Variants in ZNF367 observed in about 807,000 individuals in gnomAD.
The protein encoded by ZNF367 is C2H2 zinc finger protein ZFF29.
A neutral mutation model predicts 31.8 loss-of-function variants in ZNF367; 11 were observed. That is an observed-to-expected ratio of 0.35 (90% CI 0.22 to 0.57). ZNF367 has a LOEUF of 0.57. ZNF367 is among the 20% of genes least tolerant of loss of function. The pLI, the probability that ZNF367 is intolerant of heterozygous loss-of-function variation, is 0.85. For missense variants in ZNF367, 353 were observed against 484.1 expected (o/e 0.73, Z 2.54); for synonymous variants, 199 against 202.4 (o/e 0.98, Z 0.14).
In ZNF367 at chr9:96,417,699, G is replaced by T. The variant is rs918376480; in HGVS notation, c.334C>A (p.Pro112Thr). The T allele has an allele frequency of 1.3e-3, 1,465 of 1,165,926 alleles. 1 individual carries two copies. Among genetic ancestry groups the T allele is most frequent in the Non-Finnish European group, 1.5e-3 (1,367 of 935,504 alleles). 72.2% of individuals were successfully genotyped at this position (1,165,926 alleles called of 1,614,324 possible). A position where few individuals can be genotyped will look rare whatever the true frequency, so the allele number is the denominator to read the frequency against. Residue 112 changes from proline to threonine, a missense_variant, in exon 1 of 5, where the codon CCC becomes ACC. Transcript: ENST00000375256. This position sits in a 1 kb window ranked among gnomAD's most constrained non-coding sequence, Gnocchi z 5.0. ...EHSGLRGRGA[P>T]PPAASASAAA... ...GCGGAGGCCGAGGCGGCGGGCGGGGGCGCGCCCCGGCCACGAAGCCCCGAG... is the reference window on the plus strand; with the variant it reads ...GCGGAGGCCGAGGCGGCGGGCGGGGTCGCGCCCCGGCCACGAAGCCCCGAG...
chr9:96,411,243 A>G (rs13287429), intron 1 of ZNF367, among the ~76,000 whole-genome samples: 3,850 of 152,258 alleles, frequency 0.025, 72 homozygotes, highest in Middle Eastern at 0.055. Flanking sequence ...TCCCTTTCCT[A>G]GTATTTTTAC....
Position 96,411,180 on chromosome 9 carries a change from A to AAAAC in ZNF367, c.420+6429_420+6432dup, listed in dbSNP as rs375400913. Among the ~76,000 whole-genome samples the AAAAC allele has an allele frequency of 2.4e-3, 367 of 151,492 alleles. 2 individuals are homozygous for AAAAC. The highest frequency in any genetic ancestry group is 8.4e-3 in the African/African-American group (347 of 41,096). ...GCCTGGGCGACAGAGACCTTGTCTC[A>AAAAC]AAACAAACAAACAAAAAAACCTTAG... On this transcript the variant is annotated intron_variant, in intron 1 of 4. Transcript: ENST00000375256.
intron 1 of ZNF367, among the ~76,000 whole-genome samples, chr9:96,408,869 T>C (rs1488930915): frequency 1.3e-5 from 2 of 152,244 alleles, no homozygotes; most frequent in East Asian, 3.8e-4. Context: ...GCCATATGAC[T>C]TGCTTTGGCC....
Position 96,412,239 on chromosome 9 carries a change from A to C in ZNF367, c.420+5374T>G, listed in dbSNP as rs112164566. 2.4e-3 allele frequency among the ~76,000 whole-genome samples: 372 copies of C among 152,346 alleles called. 1 individual carries two copies. Among genetic ancestry groups the C allele is most frequent in the African/African-American group, 8.5e-3 (352 of 41,574 alleles). On this transcript the variant is annotated intron_variant, in intron 1 of 4. Transcript: ENST00000375256. Reference sequence around the variant, plus strand: ...TGGAGGCTAAGGACAGATCTTGTCAAGACTGTTGACGATTCGCAACACAAA... The same window carrying C: ...TGGAGGCTAAGGACAGATCTTGTCACGACTGTTGACGATTCGCAACACAAA...
At chr9:96,398,445 A>G (rs1294967830) in intron 1 of ZNF367, 131 bp from the exon 2 acceptor site, 2 of 691,180 alleles carry the variant, frequency 2.9e-6, no homozygotes, top group Admixed American at 3.0e-5. Flanking sequence ...AGTCCCAGCT[A>G]TTTAGGAGGC....
chr9:96,411,612 A>G (rs1831750374), intron 1 of ZNF367, among the ~76,000 whole-genome samples: 1 of 152,154 alleles, frequency 6.6e-6, no homozygotes, highest in Non-Finnish European at 1.5e-5. Context: ...CATATTGCTG[A>G]CTTTTGCAAT....
At chr9:96,400,259 C>A (rs1358243989) in intron 1 of ZNF367, among the ~76,000 whole-genome samples, 1 of 151,550 alleles carries the variant, frequency 6.6e-6, no homozygotes, top group Non-Finnish European at 1.5e-5. Context: ...ATTAGCCAGG[C>A]ATGGTGGCAC....
chr9:96,398,209 A>G lies in ZNF367; in HGVS notation c.526T>C (p.Phe176Leu). The part of the protein sequence containing the change: ...RIRCNICNRV[F>L]PREKSLQAHK... The stretch of plus-strand genomic sequence containing the variant: ...GCCTGGAGCGATTTCTCCCGTGGAA[A>G]CACCCTATTACAGATGTTACAACGG... The change falls in exon 2 of 5, where the codon TTT (phenylalanine) becomes CTT (leucine). Residue 176 changes from phenylalanine (F) to leucine (L), a missense_variant. Around this residue, in one of 5 missense-constraint regions of ZNF367, gnomAD observed 57 missense variants for 141.9 expected, o/e 0.40. Coordinates refer to ENST00000375256, the MANE Select transcript of ZNF367 (RefSeq NM_153695.4). 6.2e-7 allele frequency: 1 copy of G among 1,611,666 alleles called. No homozygotes were observed. The highest frequency in any genetic ancestry group is 8.5e-7 in the Non-Finnish European group (1 of 1,178,832).
Position 96,417,676 on chromosome 9 carries a change from G to A in ZNF367, c.357C>T (p.Ser119=). The A allele has an allele frequency of 7.4e-6, 8 of 1,085,192 alleles. No homozygotes were observed. Among genetic ancestry groups the A allele is most frequent in the Non-Finnish European group, 9.3e-6 (8 of 862,500 alleles). 67.2% of individuals were successfully genotyped at this position (1,085,192 alleles called of 1,614,324 possible). The change falls in exon 1 of 5, where the codon TCC becomes TCT. Residue 119 remains serine (S), a synonymous_variant. Transcript: ENST00000375256. The surrounding 1 kb of genome is among the most constrained non-coding windows in gnomAD (Gnocchi z 5.0). Reference sequence around the variant, plus strand: ...CGTCCTCACCTCCCGAGGCGGCGGCGGAGGCCGAGGCGGCGGGCGGGGGCG... The same window carrying A: ...CGTCCTCACCTCCCGAGGCGGCGGCAGAGGCCGAGGCGGCGGGCGGGGGCG... ...RGAPPPAASA[S]AAASGGEDEE...
At chr9:96,410,107 C>CA (rs973044633) in intron 1 of ZNF367, among the ~76,000 whole-genome samples, 107 of 151,448 alleles carry the variant, frequency 7.1e-4, no homozygotes, top group African/African-American at 2.5e-3. Context: ...ACTAAAAATG[C>CA]AAAAAATTAG....
chr9:96,392,271 T>C, intron 4 of ZNF367, 127 bp downstream of exon 4: 1 of 1,418,082 alleles, frequency 7.1e-7, no homozygotes, highest in African/African-American at 1.4e-5. Context: ...TCAGGGGTCA[T>C]TTCTAATTAT....
chr9:96,407,285 T>C, intron 1 of ZNF367: 1 of 1,510,406 alleles, frequency 6.6e-7, no homozygotes, highest in East Asian at 2.3e-5. Flanking sequence ...GCCGTCACCA[T>C]GCCACAGAAC....
rs1831853206 is a variant in ZNF367, at chr9:96,417,757, C to G, written c.276G>C (p.Ser92=). Residue 92 remains serine (S), a synonymous_variant, in exon 1 of 5, where the codon TCG becomes TCC. Coordinates refer to ENST00000375256, the MANE Select transcript of ZNF367 (RefSeq NM_153695.4). This position sits in a 1 kb window ranked among gnomAD's most constrained non-coding sequence, Gnocchi z 5.0. ...CGGCTGCGGCTGCAGGCAGGGCGGC[C>G]GAGGCGGCGGCCCCCGCGGCCCCAG... ...LSPGAAGAAA[S]AALPAAAAAE... is the part of the protein sequence containing the mutation. 5 of 1,235,716 alleles carry G rather than the reference C, an allele frequency of 4.0e-6. No individual in the cohort carries two copies. The highest frequency in any genetic ancestry group is 1.6e-5 in the African/African-American group (1 of 64,240). The allele number at this position is 1,235,716 out of a possible 1,614,324, so 76.5% of individuals were successfully genotyped here. A position where few individuals can be genotyped will look rare whatever the true frequency, so the allele number is the denominator to read the frequency against.
At chr9:96,415,772 T>C (rs1831819319) in intron 1 of ZNF367, among the ~76,000 whole-genome samples, 1 of 152,090 alleles carries the variant, frequency 6.6e-6, no homozygotes, top group Non-Finnish European at 1.5e-5. Context: ...GTGCTGGGAT[T>C]ACAGGCGTGA....
chr9:96,397,474 A>G (rs1452522103), intron 2 of ZNF367, among the ~76,000 whole-genome samples: 2 of 152,238 alleles, frequency 1.3e-5, no homozygotes, highest in Non-Finnish European at 1.5e-5. Flanking sequence ...GACTCTAAAC[A>G]TTCTATTAAA....
At chr9:96,411,569 T>TA (rs1564144939) in intron 1 of ZNF367, among the ~76,000 whole-genome samples, 1 of 151,868 alleles carries the variant, frequency 6.6e-6, no homozygotes. Flanking sequence ...CTGAAAAACA[T>TA]AAAAAATAAG....
At chr9:96,394,404 A>C (rs531978501) in intron 3 of ZNF367, among the ~76,000 whole-genome samples, 7 of 152,332 alleles carry the variant, frequency 4.6e-5, no homozygotes, top group African/African-American at 1.7e-4. Flanking sequence ...GAAAGAATGA[A>C]TAAGACCTAG....
In ZNF367 at chr9:96,417,783, G is replaced by A; in HGVS notation, c.250C>T (p.Pro84Ser). The change falls in exon 1 of 5, where the codon CCT (proline) becomes TCT (serine). Residue 84 changes from proline (P) to serine (S), a missense_variant. Physicochemically the swap from Pro to Ser is moderately conservative, Grantham distance 74 (BLOSUM62 -1). Around this residue, in one of 5 missense-constraint regions of ZNF367, gnomAD observed 31 missense variants for 58.4 expected, o/e 0.53. Transcript: ENST00000375256. The surrounding 1 kb of genome is among the most constrained non-coding windows in gnomAD (Gnocchi z 5.0). ...GAGGCGGCGGCCCCCGCGGCCCCAGGGCTGAGCGTCACGTTGTGTGCGTTC... is the reference window on the plus strand; with the variant it reads ...GAGGCGGCGGCCCCCGCGGCCCCAGAGCTGAGCGTCACGTTGTGTGCGTTC... ...GENAHNVTLS[P>S]GAAGAAASAA... The A allele has an allele frequency of 7.6e-7, 1 of 1,310,742 alleles. No homozygotes were observed. Among genetic ancestry groups the A allele is most frequent in the Non-Finnish European group, 9.7e-7 (1 of 1,026,980 alleles). The allele number at this position is 1,310,742 out of a possible 1,614,324, so 81.2% of individuals were successfully genotyped here. A position where few individuals can be genotyped will look rare whatever the true frequency, so the allele number is the denominator to read the frequency against.
Position 96,417,989 on chromosome 9 carries a change from G to GGCA in ZNF367, c.43_44insTGC (p.Pro14_Pro15insLeu), listed in dbSNP as rs914533721. On this transcript the variant is annotated inframe_insertion, in exon 1 of 5. Coordinates refer to ENST00000375256, the MANE Select transcript of ZNF367 (RefSeq NM_153695.4). This position sits in a 1 kb window ranked among gnomAD's most constrained non-coding sequence, Gnocchi z 5.0. ...GCAGAAGATGACGGGCGGCGGCGGC[G>GGCA]GCGGCGGGTTCTCCGCCATGGGCGC... 1 of 1,432,966 alleles carries GGCA rather than the reference G, an allele frequency of 7.0e-7. No homozygotes were observed. Among genetic ancestry groups the GGCA allele is most frequent in the Non-Finnish European group, 9.1e-7 (1 of 1,101,516 alleles). The allele number at this position is 1,432,966 out of a possible 1,614,324, so 88.8% of individuals were successfully genotyped here.
Sources: allele counts gnomAD v4.1 joint callset (sites outside exome capture counted in the v4.1 genomes callset), GRCh38; gene constraint gnomAD v4.1.1; regional missense constraint gnomAD v4.1.1; non-coding constraint Gnocchi (gnomAD v3.1); transcripts MANE v1.5; gene names NCBI Gene and HGNC (gene_info 2026-07-23, HGNC 2026-07-21).